The following SEL1L variants were observed in gnomAD, a reference collection of about 807,000 sequenced individuals.
SEL1L encodes protein sel-1 homolog 1.
Under a neutral mutation model 109.8 loss-of-function variants are expected in SEL1L, and 52 were observed. The ratio of observed to expected loss-of-function variants is 0.47; its 90% CI spans 0.38 to 0.60. The LOEUF (loss-of-function observed/expected upper bound fraction) is 0.60, where lower values mean the gene tolerates loss of function less well. Among genes scored for constraint, SEL1L ranks in the 20% least tolerant of loss-of-function variants. The pLI is 0.00. For missense variants in SEL1L, 749 were observed against 962.2 expected, an observed-to-expected ratio of 0.78 and a Z score of 2.93; for synonymous variants, 373 against 339.6, an observed-to-expected ratio of 1.10 and a Z score of -1.08.
chr14:81,502,077 T>G (rs922040465), intron 6 of SEL1L, among the ~76,000 whole-genome samples: 1 of 152,042 alleles, frequency 6.6e-6, no homozygotes, highest in African/African-American at 2.4e-5. Flanking sequence ...AGAAAATTTT[T>G]GGGTTCAACA....
chr14:81,499,126 A>T (rs1487208085), intron 8 of SEL1L: 1 of 1,018,160 alleles, frequency 9.8e-7, no homozygotes, highest in African/African-American at 1.7e-5. Flanking sequence ...ACTAAAGAAA[A>T]ATTTTTAAAA....
chr14:81,498,261 A>G (rs1469483340), intron 9 of SEL1L, 152 bp downstream of exon 9: 22 of 831,302 alleles, frequency 2.6e-5, no homozygotes, highest in Non-Finnish European at 3.8e-5. Flanking sequence ...TATATAAAGA[A>G]AAAAGTACTT....
Position 81,476,990 on chromosome 14 carries a change from C to T in SEL1L, c.2367G>A (p.Glu789=). The T allele has an allele frequency of 6.2e-7, 1 of 1,614,188 alleles. No homozygotes were observed. Among genetic ancestry groups the T allele is most frequent in the Non-Finnish European group, 8.5e-7 (1 of 1,180,036 alleles). The part of the protein sequence containing the change: ...PAPPQQEGPP[E]QQPPQ The stretch of plus-strand genomic sequence containing the variant: ...GTGCCTATTACTGTGGTGGCTGCTG[C>T]TCTGGTGGCCCCTCCTGCTGGGGTG... The change falls in exon 21 of 21, where the codon GAG becomes GAA. Residue 789 remains glutamate (E), a synonymous_variant. Coordinates refer to ENST00000336735, the MANE Select transcript of SEL1L (RefSeq NM_005065.6).
At chr14:81,486,522 T>G (rs374959746) in intron 16 of SEL1L, 68 bp from the exon 17 acceptor site, 3 of 1,510,540 alleles carry the variant, frequency 2.0e-6, no homozygotes, top group Non-Finnish European at 2.7e-6. Context: ...AAATCACTTA[T>G]GCACTTTGGT....
In SEL1L at chr14:81,504,222, T is replaced by G. The variant is rs749343908; in HGVS notation, c.593A>C (p.Asn198Thr). 8.8e-6 allele frequency: 14 copies of G among 1,593,932 alleles called. No individual in the cohort carries two copies. Among genetic ancestry groups the G allele is most frequent in the Non-Finnish European group, 1.2e-5 (14 of 1,170,328 alleles). ...CTACTCTCTTTTTTGGCTTTTCTTA[T>G]TGCTTCCATTAAGGATTTTCATTCC... Reference protein sequence around the residue: ...QTGMKILNGSNKKSQKREAYR... With the variant: ...QTGMKILNGSTKKSQKREAYR... Residue 198 changes from asparagine (N) to threonine (T), a missense_variant, in exon 5 of 21, where the codon AAT (asparagine) becomes ACT (threonine). Around this residue, in one of 2 missense-constraint regions of SEL1L, gnomAD observed 366 missense variants for 399.8 expected, o/e 0.92. Coordinates refer to ENST00000336735, the MANE Select transcript of SEL1L (RefSeq NM_005065.6).
chr14:81,515,865 A>G (rs180898279), intron 3 of SEL1L, among the ~76,000 whole-genome samples: 113 of 152,262 alleles, frequency 7.4e-4, no homozygotes, highest in African/African-American at 2.6e-3. Context: ...TATAATAGGG[A>G]CCAAGAGGAA....
intron 2 of SEL1L, among the ~76,000 whole-genome samples, chr14:81,527,300 TC>T (rs1885150520): frequency 6.6e-6 from 1 of 152,146 alleles, no homozygotes; most frequent in African/African-American, 2.4e-5. Flanking sequence ...AGATCAGAGC[TC>T]ATAACTGACT....
chr14:81,530,478 G>A (rs987241091), intron 1 of SEL1L, among the ~76,000 whole-genome samples: 9 of 152,198 alleles, frequency 5.9e-5, no homozygotes, highest in African/African-American at 2.2e-4. Flanking sequence ...TCTGCTGTCT[G>A]AAAACTACTC....
At chr14:81,500,652 G>A (rs1297014799) in intron 6 of SEL1L, among the ~76,000 whole-genome samples, 1 of 152,118 alleles carries the variant, frequency 6.6e-6, no homozygotes, top group Non-Finnish European at 1.5e-5. Flanking sequence ...CCATTATGAA[G>A]ACAACTCCCG....
At position 81,495,169 on chromosome 14, in the gene SEL1L, G is replaced by C. The variant is rs1205059163; in HGVS notation, c.1129-32C>G. ...ATGATCACAAACAAGGCAAAAGTAAGTGGTACCATCTGGCACACAATTAAA... is the reference window on the plus strand; with the variant it reads ...ATGATCACAAACAAGGCAAAAGTAACTGGTACCATCTGGCACACAATTAAA... On this transcript the variant is annotated intron_variant, in intron 10 of 20. Coordinates refer to ENST00000336735, the MANE Select transcript of SEL1L (RefSeq NM_005065.6). The C allele has an allele frequency of 1.6e-5, 25 of 1,602,308 alleles. No homozygotes were observed. The Admixed American group carries it at 4.2e-4, about 27-fold the overall frequency.
At chr14:81,533,367 T>G (rs1180534748) in intron 1 of SEL1L, among the ~76,000 whole-genome samples, 1 of 152,132 alleles carries the variant, frequency 6.6e-6, no homozygotes, top group Non-Finnish European at 1.5e-5. Context: ...GAAGCTCCAC[T>G]CGGGCTCCTG....
intron 3 of SEL1L, among the ~76,000 whole-genome samples, chr14:81,521,847 A>C (rs567337448): frequency 6.6e-6 from 1 of 152,344 alleles, no homozygotes; most frequent in South Asian, 2.1e-4. Context: ...CAGGAAGTAC[A>C]GGCATCGTTA....
Position 81,490,760 on chromosome 14 carries a change from G to A in SEL1L, c.1255-295C>T, listed in dbSNP as rs527429239. On this transcript the variant is annotated intron_variant, in intron 12 of 20. Coordinates refer to ENST00000336735, the MANE Select transcript of SEL1L (RefSeq NM_005065.6). ...TACTAAAAATACAAAAATTAGCCAGGCGTGGTGGCGTGTGCCTGTAATCCC... is the reference window on the plus strand; with the variant it reads ...TACTAAAAATACAAAAATTAGCCAGACGTGGTGGCGTGTGCCTGTAATCCC... Among the ~76,000 whole-genome samples, 7 of 152,262 alleles carry A rather than the reference G, an allele frequency of 4.6e-5. No homozygotes were observed. In the East Asian group the frequency reaches 1.2e-3, roughly 25 times the overall value.
chr14:81,489,458 TCTC>T (rs1883460587), intron 13 of SEL1L, 144 bp from the exon 14 acceptor site: 3 of 680,326 alleles, frequency 4.4e-6, no homozygotes, highest in African/African-American at 1.8e-5. Flanking sequence ...ACTTTCTTCT[TCTC>T]ATCAGACTAA....
At chr14:81,531,752 A>G (rs1885332642) in intron 1 of SEL1L, among the ~76,000 whole-genome samples, 5 of 152,128 alleles carry the variant, frequency 3.3e-5, no homozygotes, top group Admixed American at 2.0e-4. Flanking sequence ...CATGTTGCCC[A>G]GGTTGGTCTT....
At chr14:81,493,509 AAAAT>A (rs144413341) in intron 11 of SEL1L, among the ~76,000 whole-genome samples, 108,729 of 150,104 alleles carry the variant, frequency 0.72, 39,472 homozygotes, top group African/African-American at 0.76. Context: ...ACCCTGTCTC[AAAAT>A]AAATAAATAA....
rs1903051950 is a variant in SEL1L at position 81,472,981 on chromosome 14, A to C, written c.*3991T>G. 6.3e-6 allele frequency: 1 copy of C among 157,702 alleles called. No individual in the cohort carries two copies. The highest frequency in any genetic ancestry group is 6.2e-5 in the Admixed American group (1 of 16,026). 9.8% of individuals were successfully genotyped at this position (157,702 alleles called of 1,614,324 possible). The stretch of plus-strand genomic sequence containing the variant: ...GATACAGTACAAAACGATTCTGTAC[A>C]TCTCTCTATTAACAGGATTTGTTTA... On this transcript the variant is annotated 3_prime_UTR_variant, in exon 21 of 21. Transcript: ENST00000336735.
chr14:81,502,654 G>A (rs970417221), intron 6 of SEL1L, 67 bp downstream of exon 6: 4 of 1,493,076 alleles, frequency 2.7e-6, no homozygotes, highest in Admixed American at 1.9e-5. Context: ...AGGACATAGA[G>A]AGTAAACTGC....
chr14:81,509,040 C>T (rs1330606043), intron 3 of SEL1L, among the ~76,000 whole-genome samples: 1 of 152,186 alleles, frequency 6.6e-6, no homozygotes, highest in Non-Finnish European at 1.5e-5. Flanking sequence ...AAACTGCAAC[C>T]TGTCAAAATA....
Sources: gnomAD v4.1 joint callset for allele counts (sites outside exome capture counted in the v4.1 genomes callset) on GRCh38, gnomAD v4.1.1 for gene constraint, gnomAD v4.1.1 regional missense constraint, MANE v1.5 for transcripts, NCBI Gene and HGNC (gene_info 2026-07-23, HGNC 2026-07-21) for gene names.